TEKT5: variants seen among roughly 807,000 people sequenced by gnomAD.
The protein encoded by TEKT5 is tektin-5.
Under a neutral mutation model 48.7 loss-of-function variants are expected in TEKT5, and 52 were observed. The ratio of observed to expected loss-of-function variants is 1.07; its 90% CI spans 0.86 to 1.35. The LOEUF is 1.35. Ranked by LOEUF, TEKT5 falls within the 40% of genes most tolerant of loss-of-function variation. The pLI, the probability that TEKT5 is intolerant of heterozygous loss-of-function variation, is 0.00. For missense variants in TEKT5, 831 were observed against 641.6 expected, an observed-to-expected ratio of 1.30 and a Z score of -3.19; for synonymous variants, 318 against 267.6, an observed-to-expected ratio of 1.19 and a Z score of -1.84.
At chr16:10,669,098 A>G (rs930652161) in intron 5 of TEKT5, among the ~76,000 whole-genome samples, 39 of 152,208 alleles carry the variant, frequency 2.6e-4, no homozygotes, top group African/African-American at 9.2e-4. Context: ...GTGAGAGTGC[A>G]TACAAATATG....
intron 5 of TEKT5, among the ~76,000 whole-genome samples, chr16:10,662,668 C>A (rs1161225992): frequency 6.6e-6 from 1 of 152,238 alleles, no homozygotes; most frequent in Admixed American, 6.5e-5. Context: ...CCATGACTAT[C>A]TTGGCAAATT....
rs142595093 is a variant in TEKT5, at chr16:10,694,741, G to A, written c.133C>T (p.Arg45Cys). The A allele has an allele frequency of 6.5e-4, 1,052 of 1,614,130 alleles. 5 individuals carry two copies. The African/African-American group carries it at 0.01, about 16-fold the overall frequency. ...CTAGGCCTCCATGAATTGAGGTAGC[G>A]GTACCCGGGCAGGTAGTAGGGCTGA... is the stretch of plus-strand genomic sequence containing the variant. Reference protein sequence around the residue: ...CYQPYYLPGYRYLNSWRPSLF... With the variant: ...CYQPYYLPGYCYLNSWRPSLF... Residue 45 changes from arginine (R) to cysteine (C), a missense_variant, in exon 1 of 7, where the codon CGC (arginine) becomes TGC (cysteine). By Grantham distance (180) the Arg-to-Cys change is radical. Transcript: ENST00000283025.
intron 5 of TEKT5, among the ~76,000 whole-genome samples, chr16:10,647,471 C>CA (rs35976644): frequency 6.2e-4 from 71 of 114,224 alleles, no homozygotes; most frequent in Admixed American, 9.9e-4. Context: ...GACCCTGTCT[C>CA]AAAAAAAAAA....
At chr16:10,636,285 G>C (rs567528965) in intron 5 of TEKT5, among the ~76,000 whole-genome samples, 1 of 151,974 alleles carries the variant, frequency 6.6e-6, no homozygotes, top group South Asian at 2.1e-4. Context: ...CGAGGCAGGA[G>C]AATCGCTTGA....
chr16:10,683,703 A>G (rs888700361), intron 3 of TEKT5, among the ~76,000 whole-genome samples: 1 of 151,972 alleles, frequency 6.6e-6, no homozygotes, highest in African/African-American at 2.4e-5. Context: ...GGGTTCTCCT[A>G]CCTCAGTCTC....
At chr16:10,633,042 T>A (rs1019867515) in intron 6 of TEKT5, among the ~76,000 whole-genome samples, 2 of 152,032 alleles carry the variant, frequency 1.3e-5, no homozygotes, top group African/African-American at 4.8e-5. Context: ...TCCAGGCAAC[T>A]CCCCCAGAAG....
At chr16:10,690,636 A>G in intron 1 of TEKT5, 2 of 985,380 alleles carry the variant, frequency 2.0e-6, no homozygotes, top group South Asian at 9.4e-5. Context: ...CAGATCTCCC[A>G]GTGGAGGGAC....
chr16:10,648,494 T>C (rs544781884), intron 5 of TEKT5, among the ~76,000 whole-genome samples: 11 of 152,142 alleles, frequency 7.2e-5, no homozygotes, highest in Admixed American at 7.2e-4. Context: ...TTTTTGTATT[T>C]ATTTATTTAT....
At chr16:10,682,749 T>G (rs1898779908) in intron 3 of TEKT5, among the ~76,000 whole-genome samples, 1 of 152,248 alleles carries the variant, frequency 6.6e-6, no homozygotes, top group African/African-American at 2.4e-5. Context: ...ACGAGAGCAG[T>G]CGCAGATATG....
At chr16:10,632,869 G>GACACACAC (rs35503579) in intron 6 of TEKT5, among the ~76,000 whole-genome samples, 2,672 of 131,660 alleles carry the variant, frequency 0.02, 54 homozygotes, top group South Asian at 0.039. Flanking sequence ...CACAGATGCA[G>GACACACAC]ACACACACAC....
At chr16:10,645,170 G>A (rs1465385535) in intron 5 of TEKT5, among the ~76,000 whole-genome samples, 1 of 152,142 alleles carries the variant, frequency 6.6e-6, no homozygotes, top group Non-Finnish European at 1.5e-5. Context: ...TGAATGCAAG[G>A]AGGCAAGCCC....
intron 2 of TEKT5, 88 bp from the exon 3 acceptor site, chr16:10,689,411 C>G (rs8054154): frequency 2.6e-6 from 3 of 1,152,078 alleles, no homozygotes; most frequent in South Asian, 1.3e-5. Flanking sequence ...CTCCCCTCCC[C>G]TCTCACTGAC....
intron 5 of TEKT5, among the ~76,000 whole-genome samples, chr16:10,645,992 G>C (rs1190001717): frequency 2.6e-5 from 4 of 151,920 alleles, no homozygotes; most frequent in Non-Finnish European, 5.9e-5. Context: ...AAACTGGCCA[G>C]GCATATAGTG....
chr16:10,668,059 G>A (rs1898489094), intron 5 of TEKT5, among the ~76,000 whole-genome samples: 3 of 152,036 alleles, frequency 2.0e-5, no homozygotes, highest in African/African-American at 7.2e-5. Context: ...TGTATTTTTA[G>A]TAGAAACGGA....
chr16:10,629,662 T>C (rs1430618692), intron 6 of TEKT5, among the ~76,000 whole-genome samples: 1 of 152,230 alleles, frequency 6.6e-6, no homozygotes, highest in Non-Finnish European at 1.5e-5. Context: ...GAGTGAGTGT[T>C]GGCTGCTAAT....
chr16:10,628,954 A>G (rs147360122), intron 6 of TEKT5, among the ~76,000 whole-genome samples: 1,626 of 152,168 alleles, frequency 0.011, 13 homozygotes, highest in Non-Finnish European at 0.013. Context: ...CAACAACATG[A>G]ATGAACCTTG....
chr16:10,640,727 T>TATGTG (rs1175826122), intron 5 of TEKT5, among the ~76,000 whole-genome samples: 1 of 151,926 alleles, frequency 6.6e-6, no homozygotes, highest in African/African-American at 2.4e-5. Flanking sequence ...ATATATATAT[T>TATGTG]TGTTTTTGGA....
chr16:10,683,731 C>T (rs547690034), intron 3 of TEKT5, among the ~76,000 whole-genome samples: 2 of 152,274 alleles, frequency 1.3e-5, no homozygotes, highest in South Asian at 2.1e-4. Flanking sequence ...GCTGGGATTA[C>T]AGGCACCCGC....
intron 5 of TEKT5, among the ~76,000 whole-genome samples, chr16:10,648,972 C>T (rs1489769481): frequency 6.6e-6 from 1 of 152,196 alleles, no homozygotes; most frequent in African/African-American, 2.4e-5. Context: ...TTTTTAGAGA[C>T]AAGTTCTCTC....
Sources: allele counts gnomAD v4.1 joint callset (sites outside exome capture counted in the v4.1 genomes callset), GRCh38; gene constraint gnomAD v4.1.1; transcripts MANE v1.5; gene names NCBI Gene and HGNC (gene_info 2026-07-23, HGNC 2026-07-21).